IL17REL: variants seen among roughly 807,000 people sequenced by gnomAD.
IL17REL encodes interleukin-17 receptor E-like protein.
Under a neutral mutation model 49.0 loss-of-function variants are expected in IL17REL, and 36 were observed. That is an observed-to-expected ratio of 0.73 (90% CI 0.56 to 0.97). The LOEUF (loss-of-function observed/expected upper bound fraction) is 0.97, where lower values mean the gene tolerates loss of function less well. IL17REL is among the 50% of genes least tolerant of loss of function. The pLI is 0.00. For synonymous variants in IL17REL, 206 were observed against 192.4 expected (o/e 1.07, Z -0.58); for missense variants, 470 against 453.9 (o/e 1.04, Z -0.32).
chr22:49,999,398 C>G (rs777431910), intron 6 of IL17REL, 33 bp downstream of exon 8: 27 of 1,612,648 alleles, frequency 1.7e-5, no homozygotes, highest in Admixed American at 1.3e-4. Context: ...GCTCCCCTCA[C>G]CCGCCCCAAG....
exon 4 of IL17REL, chr22:50,000,487 G>A (rs779828341): frequency 6.2e-7 from 1 of 1,612,570 alleles, no homozygotes; most frequent in African/African-American, 1.3e-5. Context: ...CCTTCCACGA[G>A]GTGCCTCTGG....
chr22:49,997,963 C>G, intron 9 of IL17REL, 62 bp downstream of exon 11: 1 of 1,576,768 alleles, frequency 6.3e-7, no homozygotes, highest in Non-Finnish European at 8.6e-7. Context: ...CCCCACTCCC[C>G]GCCCTGATGC....
At chr22:49,994,166 C>T (rs946762872), downstream of IL17REL, among the ~76,000 whole-genome samples, 3 of 152,106 alleles carry the variant, frequency 2.0e-5, no homozygotes, top group Non-Finnish European at 2.9e-5. Flanking sequence ...GACACCCTGT[C>T]CATGCCCCCC....
At chr22:49,999,482 G>T (rs757619950) in exon 6 of IL17REL, 1 of 1,609,360 alleles carries the variant, frequency 6.2e-7, no homozygotes, top group Non-Finnish European at 8.5e-7. Flanking sequence ...AGACGGCCTG[G>T]GAGACGCTGT....
upstream of IL17REL, among the ~76,000 whole-genome samples, chr22:50,011,052 C>T (rs1457402903): frequency 6.6e-6 from 1 of 151,556 alleles, no homozygotes; most frequent in Non-Finnish European, 1.5e-5. Context: ...CCCTGGCTTC[C>T]CCCCGCGGGC....
At chr22:50,011,473 C>T (rs2061141156), upstream of IL17REL, among the ~76,000 whole-genome samples, 1 of 152,042 alleles carries the variant, frequency 6.6e-6, no homozygotes, top group African/African-American at 2.4e-5. Context: ...AAGGCCGCCT[C>T]CCCCCATGTC....
intron 11 of IL17REL, 99 bp from the exon 14 acceptor site, chr22:49,997,173 C>A: frequency 7.1e-7 from 1 of 1,400,688 alleles, no homozygotes; most frequent in Non-Finnish European, 9.8e-7. Context: ...CAAAGCAGGG[C>A]TGGCCTCCCA....
intron 1 of IL17REL, among the ~76,000 whole-genome samples, chr22:50,001,681 C>T (rs2061081187): frequency 6.6e-6 from 1 of 152,274 alleles, no homozygotes; most frequent in Admixed American, 6.5e-5. Flanking sequence ...CGGCCGCATC[C>T]TCACAGGGAG....
chr22:50,008,242 A>G (rs957419943), intron 1 of IL17REL, among the ~76,000 whole-genome samples: 1 of 152,200 alleles, frequency 6.6e-6, no homozygotes, highest in Non-Finnish European at 1.5e-5. Context: ...CCTTTTATAA[A>G]TAGATACGCT....
Position 49,997,762 on chromosome 22 carries a change from G to A in IL17REL, c.820-20C>T, listed in dbSNP as rs776602476. On this transcript the variant is annotated intron_variant, in intron 9 of 12. Coordinates refer to ENST00000341280, the Ensembl canonical transcript of IL17REL. ...AGAGAACTGCAAAGTGGGGTGAGGG[G>A]TGCAGGAGGGTGGAGTGTGTGTGAG... 6.2e-7 allele frequency: 1 copy of A among 1,612,948 alleles called. No homozygotes were observed. Among genetic ancestry groups the A allele is most frequent in the South Asian group, 1.1e-5 (1 of 91,072 alleles).
chr22:50,001,727 C>T (rs780501924), intron 1 of IL17REL, among the ~76,000 whole-genome samples: 3 of 152,254 alleles, frequency 2.0e-5, no homozygotes, highest in Non-Finnish European at 2.9e-5. Context: ...TGAGACCAAA[C>T]GCCATTCTGA....
chr22:50,010,827 G>T (rs919825820), upstream of IL17REL, among the ~76,000 whole-genome samples: 26 of 151,654 alleles, frequency 1.7e-4, no homozygotes, highest in African/African-American at 4.6e-4. Flanking sequence ...GGCGGGGGGG[G>T]GCTGAGCCCG....
downstream of IL17REL, among the ~76,000 whole-genome samples, chr22:49,994,205 C>T (rs2061020051): frequency 6.6e-6 from 1 of 152,102 alleles, no homozygotes; most frequent in African/African-American, 2.4e-5. Flanking sequence ...GGTGCTCAAA[C>T]CCAGCTTCTA....
exon 3 of IL17REL, chr22:50,000,769 C>T (rs748844023): frequency 2.5e-6 from 4 of 1,592,772 alleles, no homozygotes; most frequent in Non-Finnish European, 3.4e-6. Context: ...GCCCCCCCTG[C>T]TGCCGGTGGG....
At chr22:50,004,851 C>CAAAAAAA (rs137852) in intron 1 of IL17REL, among the ~76,000 whole-genome samples, 1 of 141,686 alleles carries the variant, frequency 7.1e-6, no homozygotes. Flanking sequence ...GACTCCATCT[C>CAAAAAAA]AAAAAAAAAA....
chr22:49,998,037 C>A, exon 9 of IL17REL: 5 of 1,597,130 alleles, frequency 3.1e-6, no homozygotes, highest in South Asian at 1.1e-5. Context: ...TCAGGCAGAG[C>A]TGGGGCTGGG....
At chr22:49,999,960 C>G (rs765024658) in exon 5 of IL17REL, 9 of 1,512,582 alleles carry the variant, frequency 6.0e-6, no homozygotes, top group Non-Finnish European at 8.0e-6. Context: ...AGTAGCTGAG[C>G]TTCCCCGCTG....
intron 7 of IL17REL, among the ~76,000 whole-genome samples, chr22:49,998,658 C>T (rs1449004110): frequency 1.4e-5 from 2 of 139,616 alleles, no homozygotes; most frequent in African/African-American, 5.4e-5. Context: ...GCATGGGTGT[C>T]ATGGGTATGG....
intron 7 of IL17REL, 151 bp downstream of exon 9, chr22:49,999,140 G>T (rs1312772108): frequency 9.7e-6 from 9 of 930,528 alleles, no homozygotes; most frequent in Non-Finnish European, 1.4e-5. Flanking sequence ...CTGTGCGCAG[G>T]TTCCCTTGGT....
Sources: allele counts gnomAD v4.1 joint callset (sites outside exome capture counted in the v4.1 genomes callset), GRCh38; gene constraint gnomAD v4.1.1; transcripts MANE v1.5; gene names NCBI Gene and HGNC (gene_info 2026-07-23, HGNC 2026-07-21).